Variants in GTF2F2 observed in about 807,000 individuals in gnomAD.
GTF2F2 encodes general transcription factor IIF subunit 2.
GTF2F2 carries 23 observed loss-of-function variants against 42.2 expected under a neutral mutation model. The ratio of observed to expected loss-of-function variants is 0.55; its 90% CI spans 0.39 to 0.77. GTF2F2 has a LOEUF of 0.77. Ranked by LOEUF, GTF2F2 falls within the 30% of genes least tolerant of loss-of-function variation. The pLI is 0.00. For missense variants in GTF2F2, 261 were observed against 287.2 expected, an observed-to-expected ratio of 0.91 and a Z score of 0.66; for synonymous variants, 105 against 100.8, an observed-to-expected ratio of 1.04 and a Z score of -0.25.
At chr13:45,271,237 G>A (rs1876777982) in intron 7 of GTF2F2, among the ~76,000 whole-genome samples, 2 of 151,638 alleles carry the variant, frequency 1.3e-5, no homozygotes, top group African/African-American at 4.8e-5. Flanking sequence ...GTTGCAGTGA[G>A]CGGAGATTGC....
At chr13:45,192,316 T>G (rs946067250) in intron 4 of GTF2F2, among the ~76,000 whole-genome samples, 4 of 152,166 alleles carry the variant, frequency 2.6e-5, no homozygotes, top group African/African-American at 9.7e-5. Context: ...TTTAAAAGGT[T>G]TCTTTTAGCA....
chr13:45,168,206 C>T (rs1014324230), intron 4 of GTF2F2, among the ~76,000 whole-genome samples: 4 of 152,216 alleles, frequency 2.6e-5, no homozygotes, highest in African/African-American at 9.6e-5. Flanking sequence ...AGATTAGGGG[C>T]TGTGGCATAG....
At chr13:45,272,480 C>A (rs561807254) in intron 7 of GTF2F2, among the ~76,000 whole-genome samples, 1 of 144,148 alleles carries the variant, frequency 6.9e-6, no homozygotes. Flanking sequence ...GAGTGGTTCA[C>A]GTGAGTAATC....
intron 1 of GTF2F2, among the ~76,000 whole-genome samples, chr13:45,128,265 C>G (rs900210851): frequency 2.0e-5 from 3 of 147,972 alleles, no homozygotes; most frequent in African/African-American, 4.9e-5. Flanking sequence ...CGGCCTCCCC[C>G]CTGGCCTTTT....
chr13:45,209,669 C>T (rs1873555163), intron 5 of GTF2F2, among the ~76,000 whole-genome samples: 1 of 152,172 alleles, frequency 6.6e-6, no homozygotes, highest in African/African-American at 2.4e-5. Flanking sequence ...ATGGCAGAAG[C>T]TCCAGCCCAG....
At chr13:45,126,093 A>G (rs953462052) in intron 1 of GTF2F2, among the ~76,000 whole-genome samples, 3 of 152,094 alleles carry the variant, frequency 2.0e-5, no homozygotes, top group African/African-American at 7.2e-5. Flanking sequence ...CTCAGTGCTG[A>G]AGGGGGAATC....
intron 7 of GTF2F2, among the ~76,000 whole-genome samples, chr13:45,275,118 A>G (rs998385279): frequency 3.3e-5 from 5 of 152,154 alleles, no homozygotes; most frequent in South Asian, 2.1e-4. Flanking sequence ...TTCTCTGGAT[A>G]TTAATATATA....
intron 4 of GTF2F2, 156 bp from the exon 5 acceptor site, chr13:45,207,268 C>T: frequency 3.6e-6 from 2 of 556,088 alleles, no homozygotes; most frequent in Non-Finnish European, 6.4e-6. Context: ...AGGCTTCTCT[C>T]TGTTCTGACC....
chr13:45,171,628 A>T (rs943604913), intron 4 of GTF2F2, among the ~76,000 whole-genome samples: 4 of 152,186 alleles, frequency 2.6e-5, no homozygotes, highest in Non-Finnish European at 5.9e-5. Flanking sequence ...CTTTATTGAG[A>T]TGAAAATTCT....
intron 5 of GTF2F2, among the ~76,000 whole-genome samples, chr13:45,247,750 G>A (rs1875702986): frequency 6.6e-6 from 1 of 151,916 alleles, no homozygotes; most frequent in Non-Finnish European, 1.5e-5. Context: ...AATAATTTAG[G>A]GACTACTTTC....
At chr13:45,283,155 G>A (rs949289959) in intron 7 of GTF2F2, among the ~76,000 whole-genome samples, 9 of 152,086 alleles carry the variant, frequency 5.9e-5, no homozygotes, top group African/African-American at 1.9e-4. Context: ...TGTATTTCAT[G>A]TAGTGTTTTT....
At chr13:45,152,731 T>C (rs1870557971) in intron 4 of GTF2F2, among the ~76,000 whole-genome samples, 3 of 152,368 alleles carry the variant, frequency 2.0e-5, no homozygotes, top group South Asian at 4.1e-4. Flanking sequence ...TTTCCATTTG[T>C]GAATTAAATA....
At chr13:45,276,567 G>T (rs1050959181) in intron 7 of GTF2F2, among the ~76,000 whole-genome samples, 7 of 151,906 alleles carry the variant, frequency 4.6e-5, no homozygotes, top group Admixed American at 4.6e-4. Flanking sequence ...TTCCCAAGTA[G>T]CTGGGACTAC....
At chr13:45,139,972 T>C (rs1869840955) in intron 2 of GTF2F2, among the ~76,000 whole-genome samples, 3 of 152,224 alleles carry the variant, frequency 2.0e-5, no homozygotes, top group Non-Finnish European at 4.4e-5. Context: ...TTCTGTATAC[T>C]TTAAAGCATC....
At chr13:45,258,901 A>C (rs911426857) in intron 6 of GTF2F2, among the ~76,000 whole-genome samples, 1 of 151,794 alleles carries the variant, frequency 6.6e-6, no homozygotes, top group African/African-American at 2.4e-5. Context: ...GTTCTTTGCA[A>C]CTCCCTCCAA....
At chr13:45,128,363 A>G (rs1869156850) in intron 1 of GTF2F2, among the ~76,000 whole-genome samples, 1 of 149,368 alleles carries the variant, frequency 6.7e-6, no homozygotes, top group African/African-American at 2.4e-5. Context: ...TCACGAGGTC[A>G]GGAGTTCGAG....
chr13:45,209,958 C>T (rs1327165537), intron 5 of GTF2F2, among the ~76,000 whole-genome samples: 1 of 152,128 alleles, frequency 6.6e-6, no homozygotes, highest in African/African-American at 2.4e-5. Context: ...CAAAATGTTA[C>T]ACATCCATAG....
chr13:45,145,980 A>T (rs1870174273), intron 2 of GTF2F2, among the ~76,000 whole-genome samples: 1 of 151,972 alleles, frequency 6.6e-6, no homozygotes, highest in African/African-American at 2.4e-5. Flanking sequence ...CCAGGCTCTG[A>T]CACATTTCTT....
chr13:45,232,843 G>T (rs150673101), intron 5 of GTF2F2, among the ~76,000 whole-genome samples: 1 of 152,248 alleles, frequency 6.6e-6, no homozygotes, highest in Admixed American at 6.5e-5. Flanking sequence ...TTCACATAGT[G>T]TAAGTGTGTA....
Sources: gnomAD v4.1 joint callset for allele counts (sites outside exome capture counted in the v4.1 genomes callset) on GRCh38, gnomAD v4.1.1 for gene constraint, MANE v1.5 for transcripts, NCBI Gene and HGNC (gene_info 2026-07-23, HGNC 2026-07-21) for gene names.